ACSF2: variants seen among roughly 807,000 people sequenced by gnomAD.
ACSF2 encodes acyl-CoA synthetase family member 2.
A neutral mutation model predicts 79.3 loss-of-function variants in ACSF2; 52 were observed. The observed-to-expected ratio is 0.66, with a 90% CI of 0.53 to 0.83. ACSF2 has a LOEUF of 0.83. ACSF2 is among the 40% of genes least tolerant of loss of function. ACSF2 has a pLI of 0.00. For synonymous variants in ACSF2, 283 were observed against 312.6 expected, an observed-to-expected ratio of 0.91 and a Z score of 1.00; for missense variants, 661 against 803.3, an observed-to-expected ratio of 0.82 and a Z score of 2.14.
intron 1 of ACSF2, among the ~76,000 whole-genome samples, chr17:50,438,406 G>A (rs1420454375): frequency 1.3e-5 from 2 of 152,110 alleles, no homozygotes; most frequent in Non-Finnish European, 2.9e-5. Flanking sequence ...TATTGCTCTG[G>A]TGAGACTGTG....
intron 6 of ACSF2, chr17:50,462,832 A>G (rs2032431580): frequency 3.4e-6 from 2 of 591,946 alleles, no homozygotes; most frequent in Admixed American, 3.1e-5. Context: ...CACTGAACCA[A>G]CACAGGTTGG....
chr17:50,440,142 G>A (rs931221669), intron 1 of ACSF2, among the ~76,000 whole-genome samples: 2 of 148,808 alleles, frequency 1.3e-5, no homozygotes, highest in African/African-American at 5.2e-5. Flanking sequence ...GGGGTAAGGA[G>A]CAGAGGCCAG....
intron 12 of ACSF2, chr17:50,473,200 G>C (rs1217541227): frequency 6.2e-6 from 1 of 161,538 alleles, no homozygotes; most frequent in Non-Finnish European, 1.4e-5. Flanking sequence ...GGAGGTTGCA[G>C]TGAACCGAGA....
intron 1 of ACSF2, among the ~76,000 whole-genome samples, chr17:50,446,139 A>G (rs114562751): frequency 3.0e-3 from 457 of 152,324 alleles, no homozygotes; most frequent in African/African-American, 0.01. Context: ...TTTTGCACAG[A>G]TGTGCTATGT....
At chr17:50,437,275 T>G (rs187366783) in intron 1 of ACSF2, among the ~76,000 whole-genome samples, 97 of 152,312 alleles carry the variant, frequency 6.4e-4, no homozygotes, top group Admixed American at 1.4e-3. Flanking sequence ...AGAGTGAATA[T>G]GTTGAATGAG....
intron 1 of ACSF2, among the ~76,000 whole-genome samples, chr17:50,427,788 CTTTT>C (rs535025639): frequency 1.3e-5 from 2 of 152,086 alleles, no homozygotes; most frequent in Non-Finnish European, 2.9e-5. Flanking sequence ...TGACCTTTGA[CTTTT>C]TTTTATCTAT....
At chr17:50,461,081 C>A in intron 2 of ACSF2, 161 bp from the exon 3 acceptor site, 2 of 1,232,830 alleles carry the variant, frequency 1.6e-6, no homozygotes, top group Non-Finnish European at 2.2e-6. Context: ...CACCTGTTAA[C>A]TATGCAGGCC....
At chr17:50,458,624 C>G (rs1300588591) in intron 1 of ACSF2, among the ~76,000 whole-genome samples, 2 of 152,334 alleles carry the variant, frequency 1.3e-5, no homozygotes, top group Non-Finnish European at 1.5e-5. Context: ...TCCTGTCTTT[C>G]CCACCAGACC....
intron 1 of ACSF2, among the ~76,000 whole-genome samples, chr17:50,429,203 G>A (rs1201333365): frequency 6.6e-6 from 1 of 152,230 alleles, no homozygotes; most frequent in Non-Finnish European, 1.5e-5. Context: ...TAACCTCTGA[G>A]CTAGTTAGTT....
chr17:50,474,368 G>C lies in ACSF2; in HGVS notation c.1797+101G>C. The C allele has an allele frequency of 1.3e-6, 2 of 1,525,392 alleles. No homozygotes were observed. The highest frequency in any genetic ancestry group is 4.5e-5 in the East Asian group (2 of 44,450). The allele number at this position is 1,525,392 out of a possible 1,614,324, so 94.5% of individuals were successfully genotyped here. A position where few individuals can be genotyped will look rare whatever the true frequency, so the allele number is the denominator to read the frequency against. ...AGCAATGGGTGTGGAGAGACTGGCA[G>C]TAGGGTGACCGGGTCACCTAATCCT... On this transcript the variant is annotated intron_variant, in intron 15 of 15. Coordinates refer to ENST00000300441, the MANE Select transcript of ACSF2 (RefSeq NM_025149.6). The surrounding 1 kb of genome is among the most constrained non-coding windows in gnomAD (Gnocchi z 4.2).
Position 50,463,680 on chromosome 17 carries a change from AC to A in ACSF2, c.1046+133del. On this transcript the variant is annotated intron_variant, in intron 8 of 15. Coordinates refer to ENST00000300441, the MANE Select transcript of ACSF2 (RefSeq NM_025149.6). This position sits in a 1 kb window ranked among gnomAD's most constrained non-coding sequence, Gnocchi z 4.6. ...AGACTGAGGATGGGGACAGTGGAGG[AC>A]CCCCAGGAGAGGACCAGTTCCTGCC... is the stretch of plus-strand genomic sequence containing the variant. 1.3e-6 allele frequency: 2 copies of A among 1,499,910 alleles called. No individual in the cohort carries two copies. The highest frequency in any genetic ancestry group is 1.8e-6 in the Non-Finnish European group (2 of 1,097,178). 92.9% of individuals were successfully genotyped at this position (1,499,910 alleles called of 1,614,324 possible). A position where few individuals can be genotyped will look rare whatever the true frequency, so the allele number is the denominator to read the frequency against.
At chr17:50,460,106 A>C in intron 1 of ACSF2, 1 of 449,468 alleles carries the variant, frequency 2.2e-6, no homozygotes, top group Non-Finnish European at 4.5e-6. Flanking sequence ...GAACACCTAC[A>C]GGCCTGTGGA....
Position 50,463,180 on chromosome 17 carries a change from G to A in ACSF2, c.817G>A (p.Ala273Thr), listed in dbSNP as rs2143719255. Reference protein sequence around the residue: ...TSGTTGSPKGATLSHYNIVNN... With the variant: ...TSGTTGSPKGTTLSHYNIVNN... The stretch of plus-strand genomic sequence containing the variant: ...GGGGACAACAGGCAGCCCCAAGGGG[G>A]CCACCCTCTCCCACTACAACATTGT... The change falls in exon 7 of 16, where the codon GCC becomes ACC. Residue 273 changes from alanine to threonine, a missense_variant. Physicochemically the swap from Ala to Thr is moderately conservative, Grantham distance 58. Transcript: ENST00000300441. This position sits in a 1 kb window ranked among gnomAD's most constrained non-coding sequence, Gnocchi z 4.6. The A allele has an allele frequency of 6.2e-7, 1 of 1,614,068 alleles. No individual in the cohort carries two copies. The highest frequency in any genetic ancestry group is 8.5e-7 in the Non-Finnish European group (1 of 1,180,014).
chr17:50,461,927 GGTGTGTGTGT>G (rs35178435), intron 4 of ACSF2, among the ~76,000 whole-genome samples: 2 of 148,120 alleles, frequency 1.4e-5, no homozygotes, highest in African/African-American at 5.0e-5. Context: ...TCAGGGCAGA[GGTGTGTGTGT>G]GTGTGTGTGT....
intron 10 of ACSF2, chr17:50,468,905 T>G: frequency 7.0e-7 from 1 of 1,424,668 alleles, no homozygotes; most frequent in Non-Finnish European, 9.1e-7. Context: ...GCCGCCCTCT[T>G]TATACGGTGG....
intron 1 of ACSF2, among the ~76,000 whole-genome samples, chr17:50,428,169 G>A (rs549718796): frequency 6.6e-6 from 1 of 152,274 alleles, no homozygotes; most frequent in Non-Finnish European, 1.5e-5. Context: ...AGCCTGAGCA[G>A]CAGAGCAAAA....
Position 50,463,274 on chromosome 17 carries a change from G to A in ACSF2, c.888+23G>A. On this transcript the variant is annotated intron_variant, in intron 7 of 15. Coordinates refer to ENST00000300441, the MANE Select transcript of ACSF2 (RefSeq NM_025149.6). This position sits in a 1 kb window ranked among gnomAD's most constrained non-coding sequence, Gnocchi z 4.6. ...AAGGTGAGGCGGCACTAGGCCCAGG[G>A]CAAGGCTGCAGGAGGGGTGGCTCAG... 1 of 1,613,712 alleles carries A rather than the reference G, an allele frequency of 6.2e-7. No homozygotes were observed. Among genetic ancestry groups the A allele is most frequent in the Non-Finnish European group, 8.5e-7 (1 of 1,179,806 alleles).
intron 1 of ACSF2, 102 bp from the exon 2 acceptor site, chr17:50,460,575 C>A: frequency 9.4e-7 from 1 of 1,063,804 alleles, no homozygotes; most frequent in Non-Finnish European, 1.4e-6. Flanking sequence ...GTCTCTAACA[C>A]ATTGTCAGCA....
chr17:50,431,449 A>G (rs1158969554), intron 1 of ACSF2, among the ~76,000 whole-genome samples: 1 of 152,208 alleles, frequency 6.6e-6, no homozygotes. Flanking sequence ...GAGACTTCCC[A>G]AAGAGCCTGG....
Sources: gnomAD v4.1 joint callset for allele counts (sites outside exome capture counted in the v4.1 genomes callset) on GRCh38, gnomAD v4.1.1 for gene constraint, Gnocchi (gnomAD v3.1) non-coding constraint, MANE v1.5 for transcripts, NCBI Gene and HGNC (gene_info 2026-07-23, HGNC 2026-07-21) for gene names.